ARRDC5: variants seen among roughly 807,000 people sequenced by gnomAD.
ARRDC5 encodes the protein arrestin domain-containing protein 5.
Under a neutral mutation model 13.3 loss-of-function variants are expected in ARRDC5, and 12 were observed. The observed-to-expected ratio is 0.90, with a 90% CI of 0.58 to 1.46. The LOEUF is 1.46. Among genes scored for constraint, ARRDC5 ranks in the 40% most tolerant of loss-of-function variants. ARRDC5 has a pLI of 0.00. For missense variants in ARRDC5, 406 were observed against 418.7 expected (o/e 0.97, Z 0.26); for synonymous variants, 181 against 173.4 (o/e 1.04, Z -0.34).
In ARRDC5 at chr19:4,891,073, TAA is replaced by T; in HGVS notation, c.958_959del (p.Leu320ThrfsTer17). 6.2e-7 allele frequency: 1 copy of T among 1,613,366 alleles called. No homozygotes were observed. The highest frequency in any genetic ancestry group is 8.5e-7 in the Non-Finnish European group (1 of 1,179,628). ...AATTCTGGTGATCTGGGTTCACGGG[TAA>T]CACTCCGTCCTCTGACAGCTGGCAG... ...AICQLSEDGV[L>X]PVNPDHQN On this transcript the variant is annotated frameshift_variant, in exon 3 of 3. Transcript: ENST00000650722. LOFTEE classifies it low-confidence loss of function (END_TRUNC).
chr19:4,905,145 C>G (rs763137876), upstream of ARRDC5, among the ~76,000 whole-genome samples: 1 of 113,034 alleles, frequency 8.8e-6, no homozygotes, highest in Non-Finnish European at 1.6e-5. Flanking sequence ...GAGACAGAGT[C>G]TTGCTCAGTC....
At chr19:4,907,361 C>T (rs757645179), upstream of ARRDC5, among the ~76,000 whole-genome samples, 4 of 152,142 alleles carry the variant, frequency 2.6e-5, no homozygotes, top group Non-Finnish European at 4.4e-5. Context: ...CCTCCGCTTC[C>T]CAGGTTCAAG....
chr19:4,911,122 C>T, the ARRDC5 span: 55 of 1,309,886 alleles, frequency 4.2e-5, no homozygotes, highest in South Asian at 1.4e-4. Flanking sequence ...TTCTCCCTCC[C>T]ACCTCCCCCC....
chr19:4,891,227 G>T lies in ARRDC5; in HGVS notation c.806C>A (p.Thr269Lys), dbSNP rs2297506. 1 of 1,613,890 alleles carries T rather than the reference G, an allele frequency of 6.2e-7. No individual in the cohort carries two copies. Among genetic ancestry groups the T allele is most frequent in the East Asian group, 2.2e-5 (1 of 44,864 alleles). Reference protein sequence around the residue: ...LPLLLSVSSSTQDGEIMHTRY... With the variant: ...LPLLLSVSSSKQDGEIMHTRY... The stretch of plus-strand genomic sequence containing the variant: ...AGTGTGCATGATCTCACCGTCCTGC[G>T]TGCTGCTGCTCACGGACAGCAGCAA... The change falls in exon 3 of 3, where the codon ACG becomes AAG. Residue 269 changes from threonine (T) to lysine (K), a missense_variant. Coordinates refer to ENST00000650722, the MANE Select transcript of ARRDC5 (RefSeq NM_001080523.3).
upstream of ARRDC5, among the ~76,000 whole-genome samples, chr19:4,904,480 A>G (rs1265295939): frequency 6.6e-6 from 1 of 151,936 alleles, no homozygotes; most frequent in African/African-American, 2.4e-5. Context: ...CACCCAGCCA[A>G]TTTTTGTTAT....
chr19:4,902,659 GC>G lies in ARRDC5; in HGVS notation c.166del (p.Ala56ProfsTer33). On this transcript the variant is annotated frameshift_variant, in exon 1 of 3. Coordinates refer to ENST00000650722, the MANE Select transcript of ARRDC5 (RefSeq NM_001080523.3). LOFTEE classifies it high-confidence loss of function. ...TCTGCTATAATCACAGGATGCCCCG[GC>G]TTCTTCACTCCATTCGACGTAACCC... ...GRGYVEWSEE[A>X]GASCDYSRNV... is the part of the protein sequence containing the mutation. 6.2e-7 allele frequency: 1 copy of G among 1,613,968 alleles called. No individual in the cohort carries two copies. Among genetic ancestry groups the G allele is most frequent in the Non-Finnish European group, 8.5e-7 (1 of 1,179,866 alleles).
chr19:4,895,565 C>T (rs921298726), intron 2 of ARRDC5, among the ~76,000 whole-genome samples: 7 of 152,210 alleles, frequency 4.6e-5, no homozygotes, highest in East Asian at 1.9e-4. Flanking sequence ...CGTCCCTCCT[C>T]CCACCTCGAC....
the ARRDC5 span, chr19:4,910,135 G>T: frequency 6.6e-6 from 1 of 152,154 alleles, no homozygotes; most frequent in Non-Finnish European, 1.5e-5. Flanking sequence ...CCCGGCGGCG[G>T]GGGTGGGCGT....
intron 1 of ARRDC5, among the ~76,000 whole-genome samples, chr19:4,899,873 A>G (rs1030727509): frequency 6.7e-6 from 1 of 148,194 alleles, no homozygotes; most frequent in Admixed American, 6.8e-5. Context: ...CGGGAGGCGG[A>G]GCTTGCAGTG....
At chr19:4,898,487 G>GT (rs1206684504) in intron 1 of ARRDC5, among the ~76,000 whole-genome samples, 1 of 151,970 alleles carries the variant, frequency 6.6e-6, no homozygotes, top group Non-Finnish European at 1.5e-5. Flanking sequence ...TCAGCCTCCT[G>GT]AGTAGCTGGA....
At chr19:4,911,044 C>A in the ARRDC5 span, 2 of 1,576,890 alleles carry the variant, frequency 1.3e-6, no homozygotes, top group Non-Finnish European at 1.7e-6. Context: ...AACAGGTACA[C>A]CCGCCGCCAG....
chr19:4,891,395 T>C lies in ARRDC5; in HGVS notation c.638A>G (p.Tyr213Cys), dbSNP rs141383659. 11 of 1,613,484 alleles carry C rather than the reference T, an allele frequency of 6.8e-6. No individual in the cohort carries two copies. In the East Asian group the frequency reaches 1.1e-4, roughly 16 times the overall value. Residue 213 changes from tyrosine (Y) to cysteine (C), a missense_variant, in exon 3 of 3, where the codon TAT (tyrosine) becomes TGT (cysteine). Transcript: ENST00000650722. ...GAAGCCCTCGTACTGTATGTGGGCA[T>C]ACAGGGCGAATACGACCGTCTTGAT... ...KCIKTVVFAL[Y>C]AHIQYEGFTP...
chr19:4,897,998 G>A (rs1293624804), intron 1 of ARRDC5, among the ~76,000 whole-genome samples: 1 of 152,124 alleles, frequency 6.6e-6, no homozygotes, highest in Non-Finnish European at 1.5e-5. Context: ...GAGGTGGGAG[G>A]ATAGCTTGAA....
At chr19:4,899,494 T>G (rs1050098367) in intron 1 of ARRDC5, among the ~76,000 whole-genome samples, 1 of 151,506 alleles carries the variant, frequency 6.6e-6, no homozygotes, top group Non-Finnish European at 1.5e-5. Context: ...TAGTAGGGCA[T>G]AGTGGCATGC....
chr19:4,906,297 A>C (rs2032063117), upstream of ARRDC5, among the ~76,000 whole-genome samples: 1 of 152,150 alleles, frequency 6.6e-6, no homozygotes, highest in African/African-American at 2.4e-5. Flanking sequence ...AACCTGAGCT[A>C]ATTTGAAAAA....
At chr19:4,895,868 C>T (rs1012055185) in intron 2 of ARRDC5, among the ~76,000 whole-genome samples, 1 of 152,234 alleles carries the variant, frequency 6.6e-6, no homozygotes, top group African/African-American at 2.4e-5. Context: ...GGGTGCTGAG[C>T]AGCGCCCCTG....
Position 4,892,274 on chromosome 19 carries a change from A to G in ARRDC5, c.460-701T>C, listed in dbSNP as rs186227558. Among the ~76,000 whole-genome samples, 173 of 151,890 alleles carry G rather than the reference A, an allele frequency of 1.1e-3. 3 individuals are homozygous for G. The highest frequency in any genetic ancestry group is 9.3e-3 in the Admixed American group (142 of 15,226). On this transcript the variant is annotated intron_variant, in intron 2 of 2. Coordinates refer to ENST00000650722, the MANE Select transcript of ARRDC5 (RefSeq NM_001080523.3). ...AGCTAATTTTTTGTGTATTTTTAGT[A>G]GAGACAGGGTTTCACTATGTTGGCC...
the ARRDC5 span, among the ~76,000 whole-genome samples, chr19:4,908,270 C>A: frequency 6.6e-6 from 1 of 152,122 alleles, no homozygotes; most frequent in East Asian, 1.9e-4. Flanking sequence ...CTTCGGGGGC[C>A]ATGATCTGTC....
chr19:4,910,969 G>A, the ARRDC5 span: 2 of 1,613,376 alleles, frequency 1.2e-6, no homozygotes, highest in Non-Finnish European at 1.7e-6. Flanking sequence ...TGGAGGAGCT[G>A]AGGCGGAAGA....
Sources: allele counts gnomAD v4.1 joint callset (sites outside exome capture counted in the v4.1 genomes callset), GRCh38; gene constraint gnomAD v4.1.1; transcripts MANE v1.5; gene names NCBI Gene and HGNC (gene_info 2026-07-23, HGNC 2026-07-21).